NKD1: variants seen among roughly 807,000 people sequenced by gnomAD.
The protein encoded by NKD1 is protein naked cuticle homolog 1.
A neutral mutation model predicts 56.0 loss-of-function variants in NKD1; 21 were observed. The ratio of observed to expected loss-of-function variants is 0.38; its 90% confidence interval spans 0.27 to 0.54. The LOEUF is 0.54. NKD1 is among the 20% of genes least tolerant of loss of function. The probability of loss-of-function intolerance (pLI) is 0.82; values close to 1 mark genes in which losing one functional copy is unlikely to be tolerated. For synonymous variants in NKD1, 263 were observed against 265.7 expected (o/e 0.99, Z 0.10); for missense variants, 578 against 642.7 (o/e 0.90, Z 1.09).
At chr16:50,582,783 T>G (rs893938575) in intron 3 of NKD1, among the ~76,000 whole-genome samples, 21 of 152,066 alleles carry the variant, frequency 1.4e-4, no homozygotes, top group Non-Finnish European at 2.9e-4. Context: ...CCGAGGTGGG[T>G]GGATCACGAG....
chr16:50,587,037 C>T (rs1428385986), intron 3 of NKD1, among the ~76,000 whole-genome samples: 1 of 152,186 alleles, frequency 6.6e-6, no homozygotes, highest in East Asian at 1.9e-4. Context: ...ACCATTATGC[C>T]ATCAGCTCCA....
At chr16:50,609,121 G>C (rs1182533712) in intron 4 of NKD1, among the ~76,000 whole-genome samples, 1 of 152,226 alleles carries the variant, frequency 6.6e-6, no homozygotes, top group Non-Finnish European at 1.5e-5. Flanking sequence ...CACTGCACCT[G>C]GCCACTGCTT....
intron 3 of NKD1, among the ~76,000 whole-genome samples, chr16:50,564,761 C>T (rs1960720726): frequency 6.6e-6 from 1 of 152,148 alleles, no homozygotes; most frequent in African/African-American, 2.4e-5. Context: ...TTGAAGAGAG[C>T]CTCTGCCCTT....
chr16:50,633,083 G>C lies in NKD1; in HGVS notation c.824-109G>C, dbSNP rs1360593658. 11 of 999,688 alleles carry C rather than the reference G, an allele frequency of 1.1e-5. No individual in the cohort carries two copies. In the Admixed American group the frequency reaches 2.3e-4, roughly 21 times the overall value. 61.9% of individuals were successfully genotyped at this position (999,688 alleles called of 1,614,324 possible). On this transcript the variant is annotated intron_variant, in intron 9 of 9. Coordinates refer to ENST00000268459, the MANE Select transcript of NKD1 (RefSeq NM_033119.5). This position sits in a 1 kb window ranked among gnomAD's most constrained non-coding sequence, Gnocchi z 4.9. ...CAGTGAGGGGCAGTCAGGGCATTGGGGGGTAGCTCTGGTTTTGGAGAACTG... is the reference window on the plus strand; with the variant it reads ...CAGTGAGGGGCAGTCAGGGCATTGGCGGGTAGCTCTGGTTTTGGAGAACTG...
chr16:50,558,402 G>C (rs1307529747), intron 3 of NKD1: 1 of 152,184 alleles, frequency 6.6e-6, no homozygotes, highest in Non-Finnish European at 1.5e-5. Flanking sequence ...AACTGCCTTA[G>C]GTATTATTCC....
At chr16:50,601,993 C>T (rs1222010731) in intron 3 of NKD1, among the ~76,000 whole-genome samples, 1 of 152,234 alleles carries the variant, frequency 6.6e-6, no homozygotes, top group Non-Finnish European at 1.5e-5. Context: ...GCCATGCCCT[C>T]TTTCCATCTC....
In NKD1 at chr16:50,608,606, C is replaced by T. The variant is rs58517633; in HGVS notation, c.259+246C>T. On this transcript the variant is annotated intron_variant, in intron 4 of 9. Transcript: ENST00000268459. Reference sequence around the variant, plus strand: ...CTAGGTCCATGTCCTGGCCCTGCACCGGATTAGCTGGGGGATCTCGGACAG... The same window carrying T: ...CTAGGTCCATGTCCTGGCCCTGCACTGGATTAGCTGGGGGATCTCGGACAG... Among the ~76,000 whole-genome samples the T allele has an allele frequency of 6.2e-3, 945 of 152,176 alleles. 14 individuals are homozygous for T. Among genetic ancestry groups the T allele is most frequent in the African/African-American group, 0.022 (904 of 41,518 alleles).
In NKD1 at chr16:50,646,922, T is replaced by A. The variant is rs916888776; in HGVS notation, c.*13141T>A. 1.3e-5 allele frequency: 2 copies of A among 152,202 alleles called. No homozygotes were observed. Among genetic ancestry groups the A allele is most frequent in the African/African-American group, 4.8e-5 (2 of 41,412 alleles). The allele number at this position is 152,202 out of a possible 1,614,324, so 9.4% of individuals were successfully genotyped here. Reference sequence around the variant, plus strand: ...CTCTGCCACCCAGACCCCACCACATTCAGCCCTCTGTGCTTTTCTTGTCTC... The same window carrying A: ...CTCTGCCACCCAGACCCCACCACATACAGCCCTCTGTGCTTTTCTTGTCTC... On this transcript the variant is annotated 3_prime_UTR_variant, in exon 10 of 10. Coordinates refer to ENST00000268459, the MANE Select transcript of NKD1 (RefSeq NM_033119.5).
chr16:50,597,282 C>T (rs1961493326), intron 3 of NKD1, among the ~76,000 whole-genome samples: 1 of 151,970 alleles, frequency 6.6e-6, no homozygotes, highest in African/African-American at 2.4e-5. Context: ...CCTGTGTACA[C>T]AGGGAAGGCA....
chr16:50,550,650 C>T (rs1317799363), intron 3 of NKD1, among the ~76,000 whole-genome samples: 1 of 152,028 alleles, frequency 6.6e-6, no homozygotes, highest in African/African-American at 2.4e-5. Flanking sequence ...CCGGGTCGGA[C>T]TTGGAGCTGC....
At position 50,643,063 on chromosome 16, in the gene NKD1, T is replaced by C. The variant is rs1418119603; in HGVS notation, c.*9282T>C. 1 of 152,256 alleles carries C rather than the reference T, an allele frequency of 6.6e-6. No individual in the cohort carries two copies. Among genetic ancestry groups the C allele is most frequent in the African/African-American group, 2.4e-5 (1 of 41,440 alleles). The allele number at this position is 152,256 out of a possible 1,614,324, so 9.4% of individuals were successfully genotyped here. A position where few individuals can be genotyped will look rare whatever the true frequency, so the allele number is the denominator to read the frequency against. ...GTGGGGATGGGCAGCCTGAAAGCCA[T>C]GCCAGCAGTGCCTTCCTTGGGGAAA... is the stretch of plus-strand genomic sequence containing the variant. On this transcript the variant is annotated 3_prime_UTR_variant, in exon 10 of 10. Coordinates refer to ENST00000268459, the MANE Select transcript of NKD1 (RefSeq NM_033119.5).
At chr16:50,573,093 CTG>C (rs1309673373) in intron 3 of NKD1, among the ~76,000 whole-genome samples, 1 of 152,238 alleles carries the variant, frequency 6.6e-6, no homozygotes, top group Non-Finnish European at 1.5e-5. Flanking sequence ...ATCAGTAAAA[CTG>C]TGTGGCCTGG....
intron 1 of NKD1, 25 bp downstream of exon 1, chr16:50,548,603 G>GC (rs1188185751): frequency 3.5e-6 from 5 of 1,441,188 alleles, no homozygotes; most frequent in Non-Finnish European, 4.5e-6. Flanking sequence ...CCGCGCGCTC[G>GC]CCCCGGGCCC....
intron 3 of NKD1, among the ~76,000 whole-genome samples, chr16:50,583,575 C>T (rs1316072436): frequency 6.6e-6 from 1 of 152,160 alleles, no homozygotes; most frequent in Non-Finnish European, 1.5e-5. Context: ...CCCAAAGCAT[C>T]AGGAAAGATA....
chr16:50,548,458 CG>C lies in NKD1; in HGVS notation c.-91del, dbSNP rs1488310800. ...GCGCCGCCTCGGGCTCCGCTCGGCT[CG>C]GGGGCTGCTTCGGGAGGAGGAGAGC... On this transcript the variant is annotated 5_prime_UTR_variant, in exon 1 of 10. Transcript: ENST00000268459. The C allele has an allele frequency of 3.0e-5, 30 of 991,046 alleles. No homozygotes were observed. Among genetic ancestry groups the C allele is most frequent in the East Asian group, 3.6e-5 (1 of 27,432 alleles). 61.4% of individuals were successfully genotyped at this position (991,046 alleles called of 1,614,324 possible).
chr16:50,575,506 G>C (rs1439611678), intron 3 of NKD1: 5 of 297,244 alleles, frequency 1.7e-5, no homozygotes, highest in South Asian at 2.6e-4. Context: ...AATAACGTGG[G>C]CCTCCCTTTC....
At chr16:50,575,486 TCC>T in intron 3 of NKD1, 1 of 385,324 alleles carries the variant, frequency 2.6e-6, no homozygotes, top group Non-Finnish European at 3.6e-6. Flanking sequence ...GTGGCAATAT[TCC>T]CCCCAGAAAT....
intron 3 of NKD1, among the ~76,000 whole-genome samples, chr16:50,571,302 G>A (rs1178148668): frequency 6.6e-6 from 1 of 152,212 alleles, no homozygotes; most frequent in Non-Finnish European, 1.5e-5. Flanking sequence ...GTGGGGAGAT[G>A]TGATCCGGAG....
In NKD1 at chr16:50,635,892, C is replaced by CTT. The variant is rs1962455849; in HGVS notation, c.*2112_*2113insTT. On this transcript the variant is annotated 3_prime_UTR_variant, in exon 10 of 10. Transcript: ENST00000268459. The surrounding 1 kb of genome is among the most constrained non-coding windows in gnomAD (Gnocchi z 4.1). ...ACCAAGTTGGAAGGCAGGGAGGGAA[C>CTT]TGGCTTTGAGATGACAGGGTCCAGG... 1 of 152,270 alleles carries CTT rather than the reference C, an allele frequency of 6.6e-6. No homozygotes were observed. The highest frequency in any genetic ancestry group is 2.4e-5 in the African/African-American group (1 of 41,460). The allele number at this position is 152,270 out of a possible 1,614,324, so 9.4% of individuals were successfully genotyped here.
Sources: allele counts gnomAD v4.1 joint callset (sites outside exome capture counted in the v4.1 genomes callset), GRCh38; gene constraint gnomAD v4.1.1; non-coding constraint Gnocchi (gnomAD v3.1); transcripts MANE v1.5; gene names NCBI Gene and HGNC (gene_info 2026-07-23, HGNC 2026-07-21).